Variants in CAPZB observed in about 807,000 individuals in gnomAD.
CAPZB encodes F-actin-capping protein subunit beta.
CAPZB carries 2 observed loss-of-function variants against 38.1 expected under a neutral mutation model. The observed-to-expected ratio is 0.05, with a 90% CI of 0.02 to 0.17. The LOEUF (loss-of-function observed/expected upper bound fraction) is 0.17. Among genes scored for constraint, CAPZB ranks in the 10% least tolerant of loss-of-function variants. CAPZB has a pLI of 1.00. For missense variants in CAPZB, 161 were observed against 334.2 expected (o/e 0.48, Z 4.04); for synonymous variants, 107 against 127.4 (o/e 0.84, Z 1.08).
intron 1 of CAPZB, among the ~76,000 whole-genome samples, chr1:19,439,912 A>T (rs2094470186): frequency 6.6e-6 from 1 of 152,178 alleles, no homozygotes; most frequent in African/African-American, 2.4e-5. Context: ...TTTTTGCAGG[A>T]ATCAAGGCCC....
intron 1 of CAPZB, among the ~76,000 whole-genome samples, chr1:19,446,894 C>T (rs1266072626): frequency 6.6e-6 from 1 of 152,180 alleles, no homozygotes; most frequent in Admixed American, 6.5e-5. Flanking sequence ...TTTTTTCCAT[C>T]ACATGATTTC....
At chr1:19,415,715 T>G (rs1490253068) in intron 2 of CAPZB, among the ~76,000 whole-genome samples, 1 of 152,216 alleles carries the variant, frequency 6.6e-6, no homozygotes, top group Admixed American at 6.5e-5. Flanking sequence ...TATAGTTTTT[T>G]TTCAGTAGAG....
At chr1:19,435,473 C>T (rs1232618071) in intron 1 of CAPZB, among the ~76,000 whole-genome samples, 2 of 152,228 alleles carry the variant, frequency 1.3e-5, no homozygotes, top group East Asian at 3.8e-4. Context: ...CTAAAGCAGG[C>T]TCTGCCAAAC....
At chr1:19,346,452 TAAAAA>T (rs200968507) in intron 6 of CAPZB, among the ~76,000 whole-genome samples, 3 of 73,280 alleles carry the variant, frequency 4.1e-5, no homozygotes, top group Admixed American at 1.4e-4. Flanking sequence ...TGAGAGAAGC[TAAAAA>T]AAAAAAAAAA....
intron 1 of CAPZB, among the ~76,000 whole-genome samples, chr1:19,457,658 TTAAC>T (rs1290630437): frequency 4.6e-5 from 7 of 152,154 alleles, no homozygotes; most frequent in African/African-American, 7.2e-5. Flanking sequence ...GCGCCCAGTG[TTAAC>T]AAAGAAGCAA....
intron 1 of CAPZB, among the ~76,000 whole-genome samples, chr1:19,457,997 T>C (rs1409198932): frequency 2.0e-5 from 3 of 152,084 alleles, no homozygotes; most frequent in Non-Finnish European, 4.4e-5. Context: ...GGGAAAAGTC[T>C]TAGGTCATAA....
At chr1:19,419,623 C>T (rs779851318) in intron 2 of CAPZB, 38 bp downstream of exon 2, 44 of 1,209,648 alleles carry the variant, frequency 3.6e-5, no homozygotes, top group South Asian at 1.0e-4. Context: ...AACTCTTAGC[C>T]GCAGTCTCAA....
At chr1:19,410,167 G>A (rs1296086611) in intron 2 of CAPZB, among the ~76,000 whole-genome samples, 1 of 152,174 alleles carries the variant, frequency 6.6e-6, no homozygotes, top group Non-Finnish European at 1.5e-5. Flanking sequence ...TTCACGCACT[G>A]CCTGCTTGCC....
chr1:19,472,236 G>A (rs1049972197), intron 1 of CAPZB, among the ~76,000 whole-genome samples: 1 of 152,182 alleles, frequency 6.6e-6, no homozygotes, highest in Non-Finnish European at 1.5e-5. Flanking sequence ...AAGAGAGGTT[G>A]TCATGAACTG....
chr1:19,414,229 G>A (rs1245449186), intron 2 of CAPZB, among the ~76,000 whole-genome samples: 2 of 152,180 alleles, frequency 1.3e-5, no homozygotes, highest in African/African-American at 4.8e-5. Context: ...TGGGGGTGGC[G>A]ATGCGGGGGT....
rs555859532 is a variant in CAPZB at position 19,440,322 on chromosome 1, G to C, written c.4-20572C>G. Among the ~76,000 whole-genome samples, 4 of 152,280 alleles carry C rather than the reference G, an allele frequency of 2.6e-5. No homozygotes were observed. The South Asian group carries it at 8.3e-4, about 32-fold the overall frequency. On this transcript the variant is annotated intron_variant, in intron 1 of 8. Coordinates refer to ENST00000264202, the MANE Select transcript of CAPZB (RefSeq NM_004930.5). ...CAAAGTGCTGGGATTACAGGTGTGA[G>C]CCATGCACCCGGCCCATAAAATACA...
At chr1:19,484,928 G>A (rs2094645596) in intron 1 of CAPZB, among the ~76,000 whole-genome samples, 1 of 152,194 alleles carries the variant, frequency 6.6e-6, no homozygotes, top group South Asian at 2.1e-4. Flanking sequence ...CTGCAGAAGG[G>A]GCTGACCGGG....
At chr1:19,402,119 G>A (rs1485047238) in intron 2 of CAPZB, among the ~76,000 whole-genome samples, 2 of 152,210 alleles carry the variant, frequency 1.3e-5, no homozygotes, top group African/African-American at 4.8e-5. Context: ...AAATCTACGA[G>A]TTCAGGAAAA....
At chr1:19,465,930 T>C (rs1167970529) in intron 1 of CAPZB, among the ~76,000 whole-genome samples, 1 of 152,202 alleles carries the variant, frequency 6.6e-6, no homozygotes, top group African/African-American at 2.4e-5. Context: ...TCTTACCTGC[T>C]TGACCTCATT....
chr1:19,442,009 C>CAAAACAA lies in CAPZB; in HGVS notation c.4-22260_4-22259insTTGTTTT, dbSNP rs1553287699. ...GGGCGACAGAGCAAGACTCTGTCTC[C>CAAAACAA]AAAAAAAAAAAAAAAAAAAGCACAG... is the stretch of plus-strand genomic sequence containing the variant. On this transcript the variant is annotated intron_variant, in intron 1 of 8. Transcript: ENST00000264202. Among the ~76,000 whole-genome samples the CAAAACAA allele has an allele frequency of 3.7e-4, 32 of 86,052 alleles. 3 individuals carry two copies. Among genetic ancestry groups the CAAAACAA allele is most frequent in the South Asian group, 9.4e-4 (2 of 2,138 alleles). 56.5% of individuals were successfully genotyped at this position (86,052 alleles called of 152,430 possible).
At chr1:19,340,736 G>A (rs920087307) in intron 8 of CAPZB, among the ~76,000 whole-genome samples, 10 of 152,168 alleles carry the variant, frequency 6.6e-5, no homozygotes, top group African/African-American at 2.4e-4. Context: ...ATTTACAGAT[G>A]AGGAAACTGA....
chr1:19,347,464 G>A (rs2093968235), intron 6 of CAPZB, among the ~76,000 whole-genome samples: 1 of 152,092 alleles, frequency 6.6e-6, no homozygotes, highest in South Asian at 2.1e-4. Context: ...TAGGGGTAGG[G>A]ACCTGGCCAC....
intron 1 of CAPZB, among the ~76,000 whole-genome samples, chr1:19,483,047 C>A (rs1265965185): frequency 2.0e-5 from 3 of 152,200 alleles, no homozygotes; most frequent in Admixed American, 1.3e-4. Flanking sequence ...AGGTGCTGTT[C>A]TAGGCCCCAC....
intron 1 of CAPZB, among the ~76,000 whole-genome samples, chr1:19,433,838 T>C (rs939286414): frequency 4.6e-5 from 7 of 152,182 alleles, no homozygotes; most frequent in African/African-American, 1.2e-4. Context: ...AATCTCTATT[T>C]GTCCCTGTCG....
Sources: gnomAD v4.1 joint callset for allele counts (sites outside exome capture counted in the v4.1 genomes callset) on GRCh38, gnomAD v4.1.1 for gene constraint, MANE v1.5 for transcripts, NCBI Gene and HGNC (gene_info 2026-07-23, HGNC 2026-07-21) for gene names.